Variants in ATP11A observed in about 807,000 individuals in gnomAD.
The protein encoded by ATP11A is phospholipid-transporting ATPase IH.
In ATP11A, 81 loss-of-function variants were observed where a neutral mutation model predicts 154.4. The observed-to-expected ratio is 0.52, with a 90% CI of 0.44 to 0.63. The LOEUF is 0.63. ATP11A is among the 30% of genes least tolerant of loss of function. ATP11A has a pLI of 0.00. For missense variants in ATP11A, 1,316 were observed against 1,474.3 expected, an observed-to-expected ratio of 0.89 and a Z score of 1.76; for synonymous variants, 623 against 585.9, an observed-to-expected ratio of 1.06 and a Z score of -0.91.
chr13:112,846,353 C>T (rs566163864), intron 17 of ATP11A, among the ~76,000 whole-genome samples: 3 of 152,234 alleles, frequency 2.0e-5, no homozygotes, highest in South Asian at 2.1e-4. Context: ...TCTTTAGAGA[C>T]GGTTTCTGTT....
intron 4 of ATP11A, among the ~76,000 whole-genome samples, chr13:112,808,203 G>GTGTCCCCTCCCATCGGCCTGGCTA (rs1566511498): frequency 3.3e-5 from 5 of 152,050 alleles, no homozygotes; most frequent in Non-Finnish European, 5.9e-5. Flanking sequence ...ATCCCTGGCT[G>GTGTCCCCTCCCATCGGCCTGGCTA]TGTCCCCTCC....
At chr13:112,757,779 A>G (rs999920150) in intron 1 of ATP11A, among the ~76,000 whole-genome samples, 25 of 152,266 alleles carry the variant, frequency 1.6e-4, no homozygotes, top group African/African-American at 5.5e-4. Context: ...TACCTACTCA[A>G]AACGTCTTTC....
In ATP11A at chr13:112,785,245, C is replaced by T. The variant is rs756268096; in HGVS notation, c.150C>T (p.Ile50=). Residue 50 remains isoleucine, a synonymous_variant, in exon 2 of 30, where the codon ATC becomes ATT. Transcript: ENST00000375645. The surrounding 1 kb of genome is among the most constrained non-coding windows in gnomAD (Gnocchi z 4.8). ...YIPQRYPDNR[I]VSSKYTFWNF... is the part of the protein sequence containing the mutation. ...CACAGAGATACCCAGACAACAGGAT[C>T]GTCTCGTCCAAGGTAACTTGGCTTG... 23 of 1,529,566 alleles carry T rather than the reference C, an allele frequency of 1.5e-5. No individual in the cohort carries two copies. Among genetic ancestry groups the T allele is most frequent in the South Asian group, 3.8e-5 (3 of 79,138 alleles). 94.7% of individuals were successfully genotyped at this position (1,529,566 alleles called of 1,614,324 possible).
At chr13:112,840,326 G>A (rs1168758100) in intron 16 of ATP11A, among the ~76,000 whole-genome samples, 2 of 105,596 alleles carry the variant, frequency 1.9e-5, no homozygotes, top group Non-Finnish European at 3.8e-5. Context: ...CCACTCTCCC[G>A]TGCCCTCCAG....
rs941839677 is a variant in ATP11A at position 112,807,192 on chromosome 13, G to A, written c.333+899G>A. Among the ~76,000 whole-genome samples, 10 of 152,224 alleles carry A rather than the reference G, an allele frequency of 6.6e-5. No individual in the cohort carries two copies. Among genetic ancestry groups the A allele is most frequent in the Admixed American group, 2.0e-4 (3 of 15,290 alleles). The stretch of plus-strand genomic sequence containing the variant: ...CACGGGCCGCCGGCAGGAGCGTGGC[G>A]GAGCCACCAAGCACAGCAGTTGGCA... On this transcript the variant is annotated intron_variant, in intron 4 of 29. Transcript: ENST00000375645. The surrounding 1 kb of genome is among the most constrained non-coding windows in gnomAD (Gnocchi z 4.5).
At chr13:112,692,861 T>C (rs1178759386) in intron 1 of ATP11A, among the ~76,000 whole-genome samples, 3 of 152,236 alleles carry the variant, frequency 2.0e-5, no homozygotes, top group African/African-American at 7.2e-5. Flanking sequence ...AGGACTAAAT[T>C]ATATTTCCTT....
intron 1 of ATP11A, among the ~76,000 whole-genome samples, chr13:112,702,362 A>AAAG (rs59292977): frequency 6.6e-6 from 1 of 150,696 alleles, no homozygotes; most frequent in Non-Finnish European, 1.5e-5. Flanking sequence ...AAAAAAAAAA[A>AAAG]GAAACCACTG....
intron 14 of ATP11A, among the ~76,000 whole-genome samples, chr13:112,833,345 TA>T (rs778953151): frequency 2.0e-5 from 3 of 152,196 alleles, no homozygotes; most frequent in Non-Finnish European, 4.4e-5. Context: ...ATCATTCTTT[TA>T]ACACAAATCT....
At chr13:112,857,566 A>G (rs958968492) in intron 20 of ATP11A, among the ~76,000 whole-genome samples, 3 of 152,362 alleles carry the variant, frequency 2.0e-5, no homozygotes, top group East Asian at 3.9e-4. Flanking sequence ...AAGTTTGTCT[A>G]CCAGCCTTTT....
chr13:112,711,824 G>A (rs1252465560), intron 1 of ATP11A, among the ~76,000 whole-genome samples: 1 of 152,222 alleles, frequency 6.6e-6, no homozygotes, highest in Non-Finnish European at 1.5e-5. Context: ...GTGAACGTAG[G>A]GGAGCAAGGC....
At chr13:112,841,106 A>G (rs1594140333) in intron 16 of ATP11A, among the ~76,000 whole-genome samples, 1 of 152,378 alleles carries the variant, frequency 6.6e-6, no homozygotes, top group African/African-American at 2.4e-5. Context: ...GCCGCCTGGC[A>G]GAGTGCCACG....
Position 112,770,067 on chromosome 13 carries a change from G to C in ATP11A, c.40-15068G>C, listed in dbSNP as rs748466. 3.5e-3 allele frequency among the ~76,000 whole-genome samples: 532 copies of C among 152,328 alleles called. 3 individuals are homozygous for C. The highest frequency in any genetic ancestry group is 0.012 in the African/African-American group (508 of 41,574). ...CCTGGACGTGCTGTGGGCTCCAAGC[G>C]ATGCTTTGGTCACCGGCTCTTTTCC... On this transcript the variant is annotated intron_variant, in intron 1 of 29. Transcript: ENST00000375645.
intron 14 of ATP11A, among the ~76,000 whole-genome samples, chr13:112,834,222 G>T (rs776626752): frequency 6.6e-6 from 1 of 152,216 alleles, no homozygotes. Flanking sequence ...CTCTGGCATC[G>T]TGTTCTCCGC....
At chr13:112,877,040 TGTAAAATCAGAGCGA>T (rs2140437126) in intron 28 of ATP11A, among the ~76,000 whole-genome samples, 1 of 152,326 alleles carries the variant, frequency 6.6e-6, no homozygotes, top group South Asian at 2.1e-4. Context: ...TGCCACAGTT[TGTAAAATCAGAGCGA>T]GCAAAACTCG....
At chr13:112,711,086 G>C (rs112118638) in intron 1 of ATP11A, among the ~76,000 whole-genome samples, 27 of 151,758 alleles carry the variant, frequency 1.8e-4, no homozygotes, top group African/African-American at 6.5e-4. Flanking sequence ...GTATTTGGGG[G>C]AAGGAGGCAG....
In ATP11A at chr13:112,875,884, C is replaced by A; in HGVS notation, c.3270C>A (p.Asp1090Glu). The A allele has an allele frequency of 6.2e-7, 1 of 1,613,734 alleles. No homozygotes were observed. Among genetic ancestry groups the A allele is most frequent in the Non-Finnish European group, 8.5e-7 (1 of 1,180,044 alleles). The change falls in exon 28 of 30, where the codon GAC becomes GAA. Residue 1090 changes from aspartate (D) to glutamate (E), a missense_variant. Physicochemically the swap from Asp to Glu is conservative, Grantham distance 45 (BLOSUM62 2). Around this residue, in one of 5 missense-constraint regions of ATP11A, gnomAD observed 294 missense variants for 290.2 expected, o/e 1.01. Transcript: ENST00000375645. The surrounding 1 kb of genome is among the most constrained non-coding windows in gnomAD (Gnocchi z 4.1). ...TGGTGACCATCAGCCTCCTTCCCGA[C>A]GTCCTCAAGAAAGTCCTGTGCCGGC... is the stretch of plus-strand genomic sequence containing the variant. ...VLLVTISLLP[D>E]VLKKVLCRQL...
chr13:112,862,133 T>C (rs949063687), intron 24 of ATP11A, among the ~76,000 whole-genome samples: 2 of 152,246 alleles, frequency 1.3e-5, no homozygotes, highest in Non-Finnish European at 2.9e-5. Flanking sequence ...GGGTGTGCCT[T>C]GTGTTCTCTG....
chr13:112,868,014 A>G (rs1197280338), intron 25 of ATP11A, among the ~76,000 whole-genome samples: 1 of 152,238 alleles, frequency 6.6e-6, no homozygotes, highest in Non-Finnish European at 1.5e-5. Context: ...CAATAGAATT[A>G]TGGACATCTC....
intron 17 of ATP11A, among the ~76,000 whole-genome samples, chr13:112,849,147 C>G (rs2079691411): frequency 1.3e-5 from 2 of 152,156 alleles, no homozygotes; most frequent in Admixed American, 6.5e-5. Context: ...ATTGCATTGA[C>G]TTTCATATGT....
Sources: allele counts gnomAD v4.1 joint callset (sites outside exome capture counted in the v4.1 genomes callset), GRCh38; gene constraint gnomAD v4.1.1; regional missense constraint gnomAD v4.1.1; non-coding constraint Gnocchi (gnomAD v3.1); transcripts MANE v1.5; gene names NCBI Gene and HGNC (gene_info 2026-07-23, HGNC 2026-07-21).